The following CCDC171 variants were observed in gnomAD, a reference collection of about 807,000 sequenced individuals.
CCDC171 encodes the protein coiled-coil domain-containing protein 171.
In CCDC171, 177 loss-of-function variants were observed where a neutral mutation model predicts 168.2. The observed-to-expected ratio is 1.05, with a 90% CI of 0.93 to 1.19. CCDC171 has a LOEUF of 1.19. CCDC171 is among the 50% of genes most tolerant of loss of function. The pLI is 0.00. For missense variants in CCDC171, 1,991 were observed against 1,539.0 expected, an observed-to-expected ratio of 1.29 and a Z score of -4.91; for synonymous variants, 687 against 540.8, an observed-to-expected ratio of 1.27 and a Z score of -3.75.
At chr9:15,820,368 C>T (rs2059719147) in intron 21 of CCDC171, among the ~76,000 whole-genome samples, 1 of 110,594 alleles carries the variant, frequency 9.0e-6, no homozygotes, top group East Asian at 2.2e-4. Context: ...AATAGAGGCA[C>T]AAAAAACCCT....
intron 1 of CCDC171, among the ~76,000 whole-genome samples, chr9:16,045,150 C>T (rs1019232463): frequency 1.3e-5 from 2 of 152,120 alleles, no homozygotes; most frequent in Non-Finnish European, 2.9e-5. Flanking sequence ...TAGCCCAATG[C>T]AATTCTTGTT....
intron 7 of CCDC171, among the ~76,000 whole-genome samples, chr9:15,633,009 A>G (rs914311826): frequency 6.6e-6 from 1 of 152,224 alleles, no homozygotes; most frequent in African/African-American, 2.4e-5. Context: ...TACCCATTAC[A>G]CAAAAATTAA....
At chr9:15,928,609 T>C (rs954807281) in intron 25 of CCDC171, among the ~76,000 whole-genome samples, 1 of 151,750 alleles carries the variant, frequency 6.6e-6, no homozygotes, top group Non-Finnish European at 1.5e-5. Flanking sequence ...TTCACCTGCA[T>C]TTTATGTCAT....
chr9:15,670,656 T>G (rs2049045982), intron 9 of CCDC171, among the ~76,000 whole-genome samples: 1 of 152,184 alleles, frequency 6.6e-6, no homozygotes, highest in African/African-American at 2.4e-5. Flanking sequence ...ATCCTTTCCA[T>G]AGAGTTATAT....
the CCDC171 span, among the ~76,000 whole-genome samples, chr9:16,079,863 T>C: frequency 6.6e-6 from 1 of 152,206 alleles, no homozygotes; most frequent in Non-Finnish European, 1.5e-5. Context: ...TTAACTCCTT[T>C]ATTCCTCTTA....
chr9:15,849,527 T>TA (rs2061039800), intron 23 of CCDC171, among the ~76,000 whole-genome samples: 1 of 151,638 alleles, frequency 6.6e-6, no homozygotes, highest in African/African-American at 2.4e-5. Flanking sequence ...AACAGCATAA[T>TA]AAAAGTATTA....
the CCDC171 span, among the ~76,000 whole-genome samples, chr9:16,074,099 TC>T: frequency 6.6e-6 from 1 of 152,118 alleles, no homozygotes. Context: ...TTCTACATTC[TC>T]CATATAAGAA....
At chr9:15,822,592 C>G (rs1309702800) in intron 21 of CCDC171, among the ~76,000 whole-genome samples, 2 of 152,170 alleles carry the variant, frequency 1.3e-5, no homozygotes, top group South Asian at 2.1e-4. Context: ...AAATGCTCAT[C>G]ATCACTGACC....
intron 24 of CCDC171, chr9:15,875,339 C>T (rs370575006): frequency 2.0e-5 from 3 of 151,968 alleles, no homozygotes; most frequent in South Asian, 4.2e-4. Flanking sequence ...TTTTCGGATG[C>T]TGTAGGTATC....
intron 8 of CCDC171, among the ~76,000 whole-genome samples, chr9:15,661,655 C>A (rs2048332296): frequency 6.6e-6 from 1 of 152,116 alleles, no homozygotes; most frequent in East Asian, 1.9e-4. Flanking sequence ...TTATAAACTA[C>A]TGTTGAATAT....
the CCDC171 span, among the ~76,000 whole-genome samples, chr9:16,086,252 T>G: frequency 6.6e-6 from 1 of 152,176 alleles, no homozygotes; most frequent in Non-Finnish European, 1.5e-5. Flanking sequence ...GAGGTATTTA[T>G]AGTATTCTCT....
At chr9:15,915,104 G>A (rs1824312107) in intron 24 of CCDC171, among the ~76,000 whole-genome samples, 1 of 147,342 alleles carries the variant, frequency 6.8e-6, no homozygotes, top group Admixed American at 6.8e-5. Flanking sequence ...CATCTTGCCA[G>A]GAATCCTCTA....
intron 21 of CCDC171, among the ~76,000 whole-genome samples, chr9:15,836,342 G>A (rs2060449465): frequency 6.6e-6 from 1 of 152,000 alleles, no homozygotes; most frequent in African/African-American, 2.4e-5. Context: ...AACGCTGTTG[G>A]TCTTGTTTTA....
At chr9:15,923,288 A>G (rs1825548405) in intron 25 of CCDC171, among the ~76,000 whole-genome samples, 2 of 151,416 alleles carry the variant, frequency 1.3e-5, no homozygotes, top group African/African-American at 2.4e-5. Flanking sequence ...TGAAGGAAAT[A>G]TAGTATATAT....
chr9:15,939,927 C>A (rs554217746), intron 25 of CCDC171, among the ~76,000 whole-genome samples: 1 of 151,832 alleles, frequency 6.6e-6, no homozygotes, highest in Admixed American at 6.6e-5. Flanking sequence ...TGGATAATTT[C>A]ATGATAACTT....
chr9:15,949,874 G>C (rs1237415488), intron 25 of CCDC171, among the ~76,000 whole-genome samples: 2 of 152,094 alleles, frequency 1.3e-5, no homozygotes, highest in Non-Finnish European at 2.9e-5. Context: ...GGGCATCCCT[G>C]TCTTGTGCCA....
At chr9:15,922,729 A>G (rs1249650914) in intron 25 of CCDC171, among the ~76,000 whole-genome samples, 1 of 151,436 alleles carries the variant, frequency 6.6e-6, no homozygotes, top group African/African-American at 2.4e-5. Context: ...CTTCACCAAC[A>G]CTTATCTTTT....
Position 16,016,026 on chromosome 9 carries a change from C to T in CCDC171, n.369-4563C>T, listed in dbSNP as rs548580606. 2.6e-5 allele frequency among the ~76,000 whole-genome samples: 4 copies of T among 152,294 alleles called. No individual in the cohort carries two copies. The East Asian group carries it at 5.8e-4, about 22-fold the overall frequency. ...CTTTATCCATTCATTTGTTGATGGA[C>T]ATTTAAGTTGCTTCCACCTTTGGCT... On this transcript the variant is annotated intron_variant and non_coding_transcript_variant, in intron 3 of 9. Coordinates refer to the CCDC171 transcript ENST00000486641.
chr9:16,063,050 G>C (rs953237535), downstream of CCDC171, among the ~76,000 whole-genome samples: 3 of 152,146 alleles, frequency 2.0e-5, no homozygotes, highest in African/African-American at 7.2e-5. Context: ...CCGACACCTG[G>C]TACCACAGAG....
Sources: gnomAD v4.1 joint callset for allele counts (sites outside exome capture counted in the v4.1 genomes callset) on GRCh38, gnomAD v4.1.1 for gene constraint, MANE v1.5 for transcripts, NCBI Gene and HGNC (gene_info 2026-07-23, HGNC 2026-07-21) for gene names.